The following LRRC4C variants were observed in gnomAD, a reference collection of about 807,000 sequenced individuals.
LRRC4C encodes the protein leucine-rich repeat-containing protein 4C.
In LRRC4C, 5 loss-of-function variants were observed where a neutral mutation model predicts 33.6. The observed-to-expected ratio is 0.15, with a 90% CI of 0.08 to 0.31. The LOEUF is 0.31. Ranked by LOEUF, LRRC4C falls within the 10% of genes least tolerant of loss-of-function variation. The probability of loss-of-function intolerance (pLI) is 1.00; values close to 1 mark genes in which losing one functional copy is unlikely to be tolerated. For missense variants in LRRC4C, 560 were observed against 796.7 expected, an observed-to-expected ratio of 0.70 and a Z score of 3.58; for synonymous variants, 329 against 302.0, an observed-to-expected ratio of 1.09 and a Z score of -0.93.
At chr11:40,561,356 A>C (rs867705599) in intron 3 of LRRC4C, among the ~76,000 whole-genome samples, 6 of 150,092 alleles carry the variant, frequency 4.0e-5, no homozygotes, top group Admixed American at 2.6e-4. Flanking sequence ...CTCATTATCT[A>C]CTGTCTATAT....
chr11:40,532,460 T>C (rs1016042108), intron 3 of LRRC4C, among the ~76,000 whole-genome samples: 2 of 151,826 alleles, frequency 1.3e-5, no homozygotes, highest in African/African-American at 4.8e-5. Context: ...TATTAGAATA[T>C]AGCCTATGGG....
chr11:41,132,508 A>G (rs1238855482), intron 1 of LRRC4C, among the ~76,000 whole-genome samples: 1 of 152,122 alleles, frequency 6.6e-6, no homozygotes, highest in Non-Finnish European at 1.5e-5. Context: ...TATTTTGTAT[A>G]AGAGAAAAAA....
At chr11:40,495,356 A>AG (rs757085381) in intron 3 of LRRC4C, among the ~76,000 whole-genome samples, 15 of 152,194 alleles carry the variant, frequency 9.9e-5, no homozygotes, top group Non-Finnish European at 1.5e-4. Context: ...TCTTCCCTGC[A>AG]GCGCCACATA....
chr11:40,631,252 T>C (rs1255386965), intron 3 of LRRC4C, among the ~76,000 whole-genome samples: 1 of 152,178 alleles, frequency 6.6e-6, no homozygotes, highest in Non-Finnish European at 1.5e-5. Context: ...TTGGGTTTTT[T>C]ATGTGTGCTG....
At chr11:41,156,275 G>A (rs17417982) in intron 1 of LRRC4C, among the ~76,000 whole-genome samples, 7,582 of 151,984 alleles carry the variant, frequency 0.05, 256 homozygotes, top group Non-Finnish European at 0.072. Flanking sequence ...ATTGACCACC[G>A]GTGGCCCATA....
At chr11:41,197,492 T>G (rs1946230420) in intron 1 of LRRC4C, among the ~76,000 whole-genome samples, 1 of 152,050 alleles carries the variant, frequency 6.6e-6, no homozygotes, top group Non-Finnish European at 1.5e-5. Context: ...GATTTGCAGG[T>G]GTGAAATTAT....
intron 1 of LRRC4C, among the ~76,000 whole-genome samples, chr11:41,333,205 G>A (rs1018202791): frequency 6.6e-6 from 1 of 152,096 alleles, no homozygotes; most frequent in Non-Finnish European, 1.5e-5. Context: ...TGTAATTGAA[G>A]AATCAAGGCA....
chr11:41,184,588 C>T (rs1470729378), intron 1 of LRRC4C, among the ~76,000 whole-genome samples: 2 of 152,066 alleles, frequency 1.3e-5, no homozygotes, highest in Non-Finnish European at 1.5e-5. Context: ...AGCATTTTTG[C>T]CAAAGCCATT....
intron 3 of LRRC4C, among the ~76,000 whole-genome samples, chr11:40,455,375 T>C (rs923533031): frequency 3.9e-5 from 6 of 152,160 alleles, no homozygotes; most frequent in Non-Finnish European, 8.8e-5. Flanking sequence ...TGTCCAGAAT[T>C]ATTTAACTAG....
chr11:40,135,416 C>T (rs933802187), intron 6 of LRRC4C, among the ~76,000 whole-genome samples: 1 of 152,158 alleles, frequency 6.6e-6, no homozygotes, highest in Non-Finnish European at 1.5e-5. Flanking sequence ...GAATGAGCTT[C>T]AGTTAACACA....
chr11:40,411,971 G>A (rs1463927520), intron 3 of LRRC4C, among the ~76,000 whole-genome samples: 3 of 151,834 alleles, frequency 2.0e-5, no homozygotes, highest in Non-Finnish European at 4.4e-5. Flanking sequence ...ACTTATTGAG[G>A]TTTAGTAAAT....
chr11:40,573,885 C>T (rs958060952), intron 3 of LRRC4C, among the ~76,000 whole-genome samples: 5 of 152,052 alleles, frequency 3.3e-5, no homozygotes, highest in African/African-American at 9.7e-5. Context: ...TAAACTCTGA[C>T]CATGGATGTA....
At chr11:41,288,064 T>C (rs191871889) in intron 1 of LRRC4C, among the ~76,000 whole-genome samples, 1 of 152,322 alleles carries the variant, frequency 6.6e-6, no homozygotes, top group Non-Finnish European at 1.5e-5. Flanking sequence ...TGGATTACTC[T>C]GTGCCAGGTT....
Position 41,361,352 on chromosome 11 carries a change from A to G in LRRC4C, c.-496+98079T>C, listed in dbSNP as rs12271869. Among the ~76,000 whole-genome samples, 761 of 152,346 alleles carry G rather than the reference A, an allele frequency of 5.0e-3. 5 individuals carry two copies. The highest frequency in any genetic ancestry group is 0.017 in the African/African-American group (690 of 41,570). On this transcript the variant is annotated intron_variant, in intron 1 of 6. Transcript: ENST00000528697. ...TTCTTGTAGGAGTTACAGAAAATAT[A>G]TATTTTCGGTACTCTCTTTTCTGTG... is the stretch of plus-strand genomic sequence containing the variant.
chr11:41,010,111 C>A (rs1855065458), intron 1 of LRRC4C, among the ~76,000 whole-genome samples: 1 of 152,120 alleles, frequency 6.6e-6, no homozygotes, highest in African/African-American at 2.4e-5. Flanking sequence ...TTCCCCAAAG[C>A]TGTCAGAGAA....
intron 3 of LRRC4C, among the ~76,000 whole-genome samples, chr11:40,608,872 A>G (rs1168119213): frequency 2.6e-5 from 4 of 152,194 alleles, no homozygotes; most frequent in Admixed American, 2.6e-4. Flanking sequence ...GTTCATTAGA[A>G]GATAACAATT....
intron 1 of LRRC4C, among the ~76,000 whole-genome samples, chr11:41,361,147 G>A (rs1357606054): frequency 1.3e-5 from 2 of 152,178 alleles, no homozygotes; most frequent in Non-Finnish European, 2.9e-5. Flanking sequence ...CCAGGCATGA[G>A]TGGATATTCA....
intron 3 of LRRC4C, among the ~76,000 whole-genome samples, chr11:40,452,403 T>G (rs1951930552): frequency 3.3e-5 from 5 of 152,266 alleles, no homozygotes; most frequent in Admixed American, 6.5e-5. Flanking sequence ...AAGAAGACAT[T>G]TATGCAGCCA....
At chr11:40,476,361 T>A (rs1411216933) in intron 3 of LRRC4C, among the ~76,000 whole-genome samples, 2 of 148,316 alleles carry the variant, frequency 1.3e-5, no homozygotes, top group African/African-American at 5.0e-5. Flanking sequence ...TTTTTTTTTT[T>A]TTTTGAGACA....
Sources: gnomAD v4.1 joint callset for allele counts (sites outside exome capture counted in the v4.1 genomes callset) on GRCh38, gnomAD v4.1.1 for gene constraint, MANE v1.5 for transcripts, NCBI Gene and HGNC (gene_info 2026-07-23, HGNC 2026-07-21) for gene names.